The following ANKLE2 variants were observed in gnomAD, a reference collection of about 807,000 sequenced individuals.
ANKLE2 encodes the protein ankyrin repeat and LEM domain-containing protein 2.
ANKLE2 carries 55 observed loss-of-function variants against 84.2 expected under a neutral mutation model. The observed-to-expected ratio is 0.65, with a 90% CI of 0.53 to 0.82. The LOEUF (loss-of-function observed/expected upper bound fraction) is 0.82, where lower values mean the gene tolerates loss of function less well. Among genes scored for constraint, ANKLE2 ranks in the 40% least tolerant of loss-of-function variants. The pLI is 0.00. For synonymous variants in ANKLE2, 551 were observed against 486.1 expected (o/e 1.13, Z -1.76); for missense variants, 1,238 against 1,201.9 (o/e 1.03, Z -0.44).
intron 7 of ANKLE2, among the ~76,000 whole-genome samples, chr12:132,740,095 C>T (rs983295150): frequency 1.2e-4 from 18 of 152,294 alleles, no homozygotes; most frequent in African/African-American, 4.1e-4. Context: ...TTTGAAAATC[C>T]GGAGCAGACT....
At chr12:132,756,234 G>A (rs2044480018) in intron 1 of ANKLE2, 1 of 151,870 alleles carries the variant, frequency 6.6e-6, no homozygotes, top group African/African-American at 2.4e-5. Flanking sequence ...GCCGGGCGTG[G>A]TGGTACATGC....
intron 7 of ANKLE2, among the ~76,000 whole-genome samples, chr12:132,740,394 A>AG (rs2044097200): frequency 6.6e-6 from 1 of 152,192 alleles, no homozygotes; most frequent in Non-Finnish European, 1.5e-5. Flanking sequence ...TAGGCTCAGT[A>AG]GGCCACAAGT....
rs2044631061 is a variant in ANKLE2, at chr12:132,761,728, A to C, written c.71T>G (p.Leu24Arg). 1.5e-6 allele frequency: 2 copies of C among 1,324,536 alleles called. No homozygotes were observed. Among genetic ancestry groups the C allele is most frequent in the Non-Finnish European group, 1.9e-6 (2 of 1,029,374 alleles). The allele number at this position is 1,324,536 out of a possible 1,614,324, so 82.0% of individuals were successfully genotyped here. A position where few individuals can be genotyped will look rare whatever the true frequency, so the allele number is the denominator to read the frequency against. The part of the protein sequence containing the change: ...LAWELLGASV[L>R]LIAVRWLVRR... ...CACCAGCCACCGCACAGCGATCAGC[A>C]GCACCGAGGCGCCCAGCAGCTCCCA... is the stretch of plus-strand genomic sequence containing the variant. The change falls in exon 1 of 13, where the codon CTG (leucine) becomes CGG (arginine). Residue 24 changes from leucine to arginine, a missense_variant. By Grantham distance (102) the Leu-to-Arg change is moderately radical. Coordinates refer to ENST00000357997, the MANE Select transcript of ANKLE2 (RefSeq NM_015114.3).
intron 9 of ANKLE2, 41 bp from the exon 10 acceptor site, chr12:132,734,616 A>T (rs1381516953): frequency 6.4e-7 from 1 of 1,563,294 alleles, no homozygotes; most frequent in South Asian, 1.2e-5. Context: ...GTGAAACCAG[A>T]AAAAATACTC....
rs949576810 is a variant in ANKLE2 at position 132,734,807 on chromosome 12, G to A, written c.1701-232C>T. Reference sequence around the variant, plus strand: ...AGCTCTCAGGAGCCGTGAACCGGCTGCAGGCAGGAAGGAGGCCTCAGCCCG... The same window carrying A: ...AGCTCTCAGGAGCCGTGAACCGGCTACAGGCAGGAAGGAGGCCTCAGCCCG... On this transcript the variant is annotated intron_variant, in intron 9 of 12. Coordinates refer to ENST00000357997, the MANE Select transcript of ANKLE2 (RefSeq NM_015114.3). 1.8e-5 allele frequency: 9 copies of A among 508,768 alleles called. No individual in the cohort carries two copies. In the Admixed American group the frequency reaches 2.7e-4, roughly 15 times the overall value. 31.5% of individuals were successfully genotyped at this position (508,768 alleles called of 1,614,324 possible).
Position 132,750,825 on chromosome 12 carries a change from T to C in ANKLE2, c.665A>G (p.Lys222Arg). The C allele has an allele frequency of 6.2e-7, 1 of 1,614,166 alleles. No individual in the cohort carries two copies. The highest frequency in any genetic ancestry group is 1.3e-5 in the African/African-American group (1 of 75,052). The change falls in exon 3 of 13, where the codon AAA becomes AGA. Residue 222 changes from lysine (K) to arginine (R), a missense_variant. Physicochemically the swap from Lys to Arg is conservative, Grantham distance 26. Coordinates refer to ENST00000357997, the MANE Select transcript of ANKLE2 (RefSeq NM_015114.3). ...CTTGACAGCTTGCAATGCTTCCTTT[T>C]TATTTTCATAAACATAGATCCTTTC... ...RNERIYVYEN[K>R]KEALQAVKMI...
chr12:132,729,728 C>A lies in ANKLE2; in HGVS notation c.2434G>T (p.Asp812Tyr), dbSNP rs768247207. Reference sequence around the variant, plus strand: ...GGTTCCCTGGTGACCTCGAGCTGATCCTCGTGCCTGGGGCTGCTGGGACTC... The same window carrying A: ...GGTTCCCTGGTGACCTCGAGCTGATACTCGTGCCTGGGGCTGCTGGGACTC... ...SLSPSSPRHE[D>Y]QLEVTREPAR... Residue 812 changes from aspartate to tyrosine, a missense_variant, in exon 11 of 13, where the codon GAT (aspartate) becomes TAT (tyrosine). Physicochemically the swap from Asp to Tyr is radical, Grantham distance 160. This residue lies in a region of ANKLE2 where 802 missense variants were observed against 774.5 expected (regional missense o/e 1.04). Coordinates refer to ENST00000357997, the MANE Select transcript of ANKLE2 (RefSeq NM_015114.3). The A allele has an allele frequency of 6.2e-7, 1 of 1,610,332 alleles. No individual in the cohort carries two copies. Among genetic ancestry groups the A allele is most frequent in the Non-Finnish European group, 8.5e-7 (1 of 1,179,258 alleles).
intron 7 of ANKLE2, 31 bp downstream of exon 7, chr12:132,741,388 C>T (rs2044119630): frequency 1.2e-6 from 2 of 1,611,160 alleles, no homozygotes; most frequent in Non-Finnish European, 1.7e-6. Flanking sequence ...GGCGTGGACC[C>T]CACGATCCAG....
chr12:132,752,065 G>A (rs953036996), intron 2 of ANKLE2, among the ~76,000 whole-genome samples: 1 of 152,124 alleles, frequency 6.6e-6, no homozygotes, highest in Non-Finnish European at 1.5e-5. Context: ...CATAGTTCGG[G>A]CACGGTGGCT....
Position 132,761,655 on chromosome 12 carries a change from TG to T in ANKLE2, c.143del (p.Pro48GlnfsTer16). 2.3e-6 allele frequency: 3 copies of T among 1,288,818 alleles called. No homozygotes were observed. Among genetic ancestry groups the T allele is most frequent in the South Asian group, 4.6e-5 (2 of 43,704 alleles). The allele number at this position is 1,288,818 out of a possible 1,614,324, so 79.8% of individuals were successfully genotyped here. ...RPGGLGRSGT[P>X]VPPPSAAAAP... ...CGGCGGCCGCGCTTGGCGGAGGAACTGGGGTCCCGCTGCGGCCCAGACCTCC... is the reference window on the plus strand; with the variant it reads ...CGGCGGCCGCGCTTGGCGGAGGAACTGGGTCCCGCTGCGGCCCAGACCTCC... On this transcript the variant is annotated frameshift_variant, in exon 1 of 13. Transcript: ENST00000357997. LOFTEE classifies it high-confidence loss of function.
intron 1 of ANKLE2, chr12:132,758,014 A>G (rs1251401453): frequency 6.6e-6 from 1 of 152,040 alleles, no homozygotes; most frequent in Non-Finnish European, 1.5e-5. Flanking sequence ...ACAGCCACAG[A>G]TATACATAAA....
At chr12:132,740,225 A>G (rs1477269870) in intron 7 of ANKLE2, among the ~76,000 whole-genome samples, 2 of 152,222 alleles carry the variant, frequency 1.3e-5, no homozygotes, top group Non-Finnish European at 2.9e-5. Flanking sequence ...CGCCGCTAAC[A>G]GCATGCAGGA....
intron 1 of ANKLE2, 77 bp downstream of exon 1, chr12:132,761,541 G>A (rs1420929195): frequency 8.8e-7 from 1 of 1,136,010 alleles, no homozygotes; most frequent in Non-Finnish European, 1.1e-6. Flanking sequence ...GGCGCGGCCG[G>A]GACCCCAGGC....
At chr12:132,744,025 T>G (rs909236323) in intron 5 of ANKLE2, among the ~76,000 whole-genome samples, 3 of 152,218 alleles carry the variant, frequency 2.0e-5, no homozygotes, top group Non-Finnish European at 4.4e-5. Flanking sequence ...GCGCCCTGGC[T>G]GGGAACCCAG....
At chr12:132,736,083 C>T (rs1482662187) in intron 8 of ANKLE2, among the ~76,000 whole-genome samples, 1 of 152,156 alleles carries the variant, frequency 6.6e-6, no homozygotes, top group Non-Finnish European at 1.5e-5. Context: ...TCCCGAGTAG[C>T]TGGGACTATA....
chr12:132,750,622 G>T, intron 3 of ANKLE2, 21 bp downstream of exon 3: 1 of 1,612,542 alleles, frequency 6.2e-7, no homozygotes, highest in Non-Finnish European at 8.5e-7. Context: ...ACATCAAGAT[G>T]TGAACGGCTG....
rs552419420 is a variant in ANKLE2 at position 132,730,278 on chromosome 12, GACA to G, written c.1892-11_1892-9del. On this transcript the variant is annotated splice_polypyrimidine_tract_variant and intron_variant, in intron 10 of 12. Transcript: ENST00000357997. ...CGGAAATGGAATTGCTGCCTGTGAG[GACA>G]ACAAGGAGCACTTCAGTGATGGGAA... 2.5e-4 allele frequency: 393 copies of G among 1,547,448 alleles called. 1 individual carries two copies. In the African/African-American group the frequency reaches 3.6e-3, roughly 14 times the overall value.
chr12:132,742,724 CACT>C (rs1251050251), intron 6 of ANKLE2, among the ~76,000 whole-genome samples: 3 of 149,610 alleles, frequency 2.0e-5, no homozygotes, highest in Non-Finnish European at 4.5e-5. Flanking sequence ...TCATCACCAC[CACT>C]GCCAACACCA....
At chr12:132,736,358 A>T (rs1465415226) in intron 8 of ANKLE2, among the ~76,000 whole-genome samples, 4 of 152,242 alleles carry the variant, frequency 2.6e-5, no homozygotes, top group African/African-American at 9.6e-5. Flanking sequence ...AACTGTAAAT[A>T]AAAAAGTGTA....
Sources: allele counts gnomAD v4.1 joint callset (sites outside exome capture counted in the v4.1 genomes callset), GRCh38; gene constraint gnomAD v4.1.1; regional missense constraint gnomAD v4.1.1; transcripts MANE v1.5; gene names NCBI Gene and HGNC (gene_info 2026-07-23, HGNC 2026-07-21).